PDIA4: variants seen among roughly 807,000 people sequenced by gnomAD.
PDIA4 encodes the protein protein disulfide isomerase family A member 4.
PDIA4 carries 33 observed loss-of-function variants against 62.1 expected under a neutral mutation model. That is an observed-to-expected ratio of 0.53 (90% CI 0.40 to 0.71). PDIA4 has a LOEUF of 0.71. Ranked by LOEUF, PDIA4 falls within the 30% of genes least tolerant of loss-of-function variation. The pLI is 0.00. For missense variants in PDIA4, 804 were observed against 813.6 expected (o/e 0.99, Z 0.14); for synonymous variants, 341 against 324.1 (o/e 1.05, Z -0.56).
At chr7:149,027,004 A>T (rs754002646) in intron 1 of PDIA4, among the ~76,000 whole-genome samples, 1 of 152,008 alleles carries the variant, frequency 6.6e-6, no homozygotes, top group Non-Finnish European at 1.5e-5. Flanking sequence ...TCCCCCCAAA[A>T]ACAGAATCAC....
intron 6 of PDIA4, 71 bp from the exon 7 acceptor site, chr7:149,008,381 C>T (rs934109957): frequency 1.1e-5 from 16 of 1,481,084 alleles, no homozygotes; most frequent in Middle Eastern, 1.8e-4. Context: ...TCGTTACCCA[C>T]ATCAGCCAAA....
chr7:149,016,371 T>C (rs1389802845), intron 3 of PDIA4, among the ~76,000 whole-genome samples: 3 of 152,228 alleles, frequency 2.0e-5, no homozygotes, highest in Admixed American at 2.0e-4. Context: ...CTAAGACATA[T>C]CTGTTAAATA....
Position 149,005,918 on chromosome 7 carries a change from A to G in PDIA4, c.1267T>C (p.Phe423Leu). 10 of 1,520,978 alleles carry G rather than the reference A, an allele frequency of 6.6e-6. No individual in the cohort carries two copies. The highest frequency in any genetic ancestry group is 7.9e-6 in the Non-Finnish European group (9 of 1,144,442). The allele number at this position is 1,520,978 out of a possible 1,614,324, so 94.2% of individuals were successfully genotyped here. A position where few individuals can be genotyped will look rare whatever the true frequency, so the allele number is the denominator to read the frequency against. ...TCACCAGCTCTGTAATCAAAGCTGA[A>G]GTCCACACTGTAGTAGACGACCACC... ...PLVVVYYSVD[F>L]SFDYRAATQF... is the part of the protein sequence containing the mutation. The change falls in exon 8 of 10, where the codon TTC (phenylalanine) becomes CTC (leucine). Residue 423 changes from phenylalanine to leucine, a missense_variant. By Grantham distance (22) the Phe-to-Leu change is conservative. Transcript: ENST00000652332.
chr7:149,008,443 G>A lies in PDIA4; in HGVS notation c.980-133C>T, dbSNP rs184229912. ...AGGCTGGGCGCGGTGGCTCACGCCT[G>A]TAATCCCAGCACACTTTGGGAAGCC... On this transcript the variant is annotated intron_variant, in intron 6 of 9. Transcript: ENST00000652332. The A allele has an allele frequency of 9.1e-5, 77 of 850,598 alleles. 1 individual carries two copies. In the East Asian group the frequency reaches 2.0e-3, roughly 22 times the overall value. The allele number at this position is 850,598 out of a possible 1,614,324, so 52.7% of individuals were successfully genotyped here.
chr7:149,004,333 G>A, intron 9 of PDIA4, 124 bp from the exon 10 acceptor site: 2 of 850,068 alleles, frequency 2.4e-6, no homozygotes, highest in Non-Finnish European at 3.7e-6. Flanking sequence ...CACAGGAAGA[G>A]CCCACTACTG....
chr7:149,025,085 A>ATATATATAT (rs1279233879), intron 1 of PDIA4, among the ~76,000 whole-genome samples: 5 of 22,360 alleles, frequency 2.2e-4, no homozygotes, highest in African/African-American at 3.0e-4. Context: ...AAAAAAAAAA[A>ATATATATAT]ATATATATAT....
rs571485121 is a variant in PDIA4 at position 149,004,292 on chromosome 7, A to C, written c.1523-83T>G. On this transcript the variant is annotated intron_variant, in intron 9 of 9. Transcript: ENST00000652332. ...GGGGCTCTCTCTGGACCAGGCAGTGAGGTTGGTGTGGCCACCAGACGGGCC... is the reference window on the plus strand; with the variant it reads ...GGGGCTCTCTCTGGACCAGGCAGTGCGGTTGGTGTGGCCACCAGACGGGCC... The C allele has an allele frequency of 2.2e-6, 3 of 1,379,810 alleles. No homozygotes were observed. In the East Asian group the frequency reaches 6.9e-5, roughly 32 times the overall value. 85.5% of individuals were successfully genotyped at this position (1,379,810 alleles called of 1,614,324 possible).
chr7:149,028,036 G>A, intron 1 of PDIA4: 1 of 626,196 alleles, frequency 1.6e-6, no homozygotes, highest in Non-Finnish European at 3.1e-6. Flanking sequence ...AAGGCGCTCT[G>A]CAGCCCTCTC....
chr7:149,019,146 T>C lies in PDIA4; in HGVS notation c.321A>G (p.Ile107Met), dbSNP rs376415171. ...FAPEYEKIAN[I>M]LKDKDPPIPV... Reference sequence around the variant, plus strand: ...GAATGGGAGGATCTTTATCCTTTAATATGTTGGCAATTTTTTCATATTCCG... The same window carrying C: ...GAATGGGAGGATCTTTATCCTTTAACATGTTGGCAATTTTTTCATATTCCG... The change falls in exon 3 of 10, where the codon ATA (isoleucine) becomes ATG (methionine). Residue 107 changes from isoleucine (I) to methionine (M), a missense_variant. Coordinates refer to ENST00000652332, the MANE Select transcript of PDIA4 (RefSeq NM_004911.5). 7.4e-6 allele frequency: 12 copies of C among 1,613,902 alleles called. No individual in the cohort carries two copies. The African/African-American group carries it at 1.3e-4, about 18-fold the overall frequency.
intron 8 of PDIA4, 38 bp downstream of exon 8, chr7:149,005,859 A>ACCCCC: frequency 7.0e-7 from 1 of 1,429,940 alleles, no homozygotes; most frequent in Non-Finnish European, 9.2e-7. Flanking sequence ...GAGTCCCCCC[A>ACCCCC]CCCCCCACCC....
In PDIA4 at chr7:149,028,493, T is replaced by A. The variant is rs527774291; in HGVS notation, c.-85A>T. The stretch of plus-strand genomic sequence containing the variant: ...CGGGGTCTGGCCGACAGCCCGTCGC[T>A]CCTTAGCGACGCGGGGGAGCCGGAA... On this transcript the variant is annotated 5_prime_UTR_variant, in exon 1 of 10. Transcript: ENST00000652332. 6.3e-6 allele frequency: 6 copies of A among 951,980 alleles called. No individual in the cohort carries two copies. The South Asian group carries it at 1.1e-4, about 17-fold the overall frequency. The allele number at this position is 951,980 out of a possible 1,614,324, so 59.0% of individuals were successfully genotyped here. A position where few individuals can be genotyped will look rare whatever the true frequency, so the allele number is the denominator to read the frequency against.
intron 3 of PDIA4, among the ~76,000 whole-genome samples, chr7:149,015,510 A>G (rs1473794223): frequency 6.6e-6 from 1 of 151,264 alleles, no homozygotes; most frequent in Non-Finnish European, 1.5e-5. Context: ...AAAAAAAAAA[A>G]AGGAAAAATT....
At chr7:149,026,031 G>A (rs1227494696) in intron 1 of PDIA4, among the ~76,000 whole-genome samples, 2 of 151,932 alleles carry the variant, frequency 1.3e-5, no homozygotes, top group Non-Finnish European at 2.9e-5. Context: ...GGGAAGGAGG[G>A]CATTTAAGTA....
intron 9 of PDIA4, 33 bp downstream of exon 9, chr7:149,005,108 G>T: frequency 6.5e-7 from 1 of 1,536,492 alleles, no homozygotes; most frequent in Non-Finnish European, 9.0e-7. Flanking sequence ...CACAGCAGCT[G>T]ATGGGAGACC....
intron 4 of PDIA4, among the ~76,000 whole-genome samples, chr7:149,013,180 G>A (rs1235705217): frequency 3.9e-5 from 6 of 152,048 alleles, no homozygotes; most frequent in African/African-American, 1.2e-4. Flanking sequence ...CCCAGGGGGC[G>A]GAGGTTGCAG....
intron 4 of PDIA4, among the ~76,000 whole-genome samples, chr7:149,013,824 G>A (rs1824032975): frequency 6.6e-6 from 1 of 152,144 alleles, no homozygotes. Context: ...CACTACACTC[G>A]CTGAGCGTGC....
At chr7:149,019,795 A>G (rs1251223079) in intron 2 of PDIA4, among the ~76,000 whole-genome samples, 1 of 152,202 alleles carries the variant, frequency 6.6e-6, no homozygotes, top group Non-Finnish European at 1.5e-5. Flanking sequence ...TGGGCAAAAG[A>G]GTGAAAATCT....
intron 8 of PDIA4, among the ~76,000 whole-genome samples, 175 bp from the exon 9 acceptor site, chr7:149,005,549 C>G (rs1466970629): frequency 6.6e-6 from 1 of 152,210 alleles, no homozygotes; most frequent in Non-Finnish European, 1.5e-5. Flanking sequence ...ACGGGGGCCA[C>G]AGCTGCAAGC....
chr7:149,020,150 G>A (rs1375890944), intron 2 of PDIA4, among the ~76,000 whole-genome samples: 1 of 152,078 alleles, frequency 6.6e-6, no homozygotes, highest in Non-Finnish European at 1.5e-5. Context: ...TAGTAGAGAT[G>A]GGGGTTCACC....
Sources: gnomAD v4.1 joint callset for allele counts (sites outside exome capture counted in the v4.1 genomes callset) on GRCh38, gnomAD v4.1.1 for gene constraint, MANE v1.5 for transcripts, NCBI Gene and HGNC (gene_info 2026-07-23, HGNC 2026-07-21) for gene names.